The following LAPTM4B variants were observed in gnomAD, a reference collection of about 807,000 sequenced individuals.
LAPTM4B encodes lysosomal-associated transmembrane protein 4B.
A neutral mutation model predicts 28.5 loss-of-function variants in LAPTM4B; 26 were observed. That is an observed-to-expected ratio of 0.91 (90% CI 0.67 to 1.27). The LOEUF is 1.27. LAPTM4B is among the 50% of genes most tolerant of loss of function. The pLI, the probability that LAPTM4B is intolerant of heterozygous loss-of-function variation, is 0.00. For synonymous variants in LAPTM4B, 109 were observed against 106.4 expected (o/e 1.02, Z -0.15); for missense variants, 288 against 285.8 (o/e 1.01, Z -0.06).
In LAPTM4B at chr8:97,849,923, G is replaced by T. The variant is rs555605880; in HGVS notation, c.604-1474G>T. 5.3e-5 allele frequency among the ~76,000 whole-genome samples: 8 copies of T among 149,652 alleles called. No individual in the cohort carries two copies. The East Asian group carries it at 1.5e-3, about 29-fold the overall frequency. On this transcript the variant is annotated intron_variant, in intron 6 of 6. Transcript: ENST00000521545. ...GAGACAGCGGTGGCAGCGCCTCTCA[G>T]GCGGTTTCCAGAGCGGGCCGTGGCT...
At chr8:97,817,759 A>ATTT (rs71271159) in intron 4 of LAPTM4B, among the ~76,000 whole-genome samples, 5 of 148,672 alleles carry the variant, frequency 3.4e-5, no homozygotes, top group South Asian at 2.1e-4. Context: ...TAATTTTTGT[A>ATTT]TTTTTTTTTT....
chr8:97,824,409 C>T (rs1450709163), intron 5 of LAPTM4B, among the ~76,000 whole-genome samples: 1 of 152,112 alleles, frequency 6.6e-6, no homozygotes, highest in Non-Finnish European at 1.5e-5. Context: ...TAGTTCTAAT[C>T]CAATTACACA....
chr8:97,797,175 C>T (rs939204192), intron 1 of LAPTM4B, among the ~76,000 whole-genome samples: 6 of 148,788 alleles, frequency 4.0e-5, no homozygotes, highest in Admixed American at 6.7e-5. Context: ...GTTCTTATTG[C>T]GCAGGCTGGA....
intron 6 of LAPTM4B, among the ~76,000 whole-genome samples, chr8:97,849,479 A>G (rs1057240253): frequency 6.6e-6 from 1 of 151,816 alleles, no homozygotes; most frequent in African/African-American, 2.4e-5. Flanking sequence ...TATCTTGCCT[A>G]CTCCATTCCT....
chr8:97,793,601 G>T (rs1374852236), intron 1 of LAPTM4B, among the ~76,000 whole-genome samples: 1 of 152,168 alleles, frequency 6.6e-6, no homozygotes. Context: ...TGTAGGATTT[G>T]ACACTTCAGC....
intron 1 of LAPTM4B, among the ~76,000 whole-genome samples, chr8:97,784,601 C>T (rs1563600331): frequency 6.6e-6 from 1 of 151,954 alleles, no homozygotes; most frequent in African/African-American, 2.4e-5. Context: ...CACCACACCC[C>T]GCTGATTTTT....
chr8:97,786,247 C>T (rs1816397930), intron 1 of LAPTM4B, among the ~76,000 whole-genome samples: 1 of 152,078 alleles, frequency 6.6e-6, no homozygotes, highest in South Asian at 2.1e-4. Flanking sequence ...AAACAAAGAC[C>T]ACACTTCTTC....
chr8:97,827,285 A>C (rs1817104383), intron 6 of LAPTM4B, among the ~76,000 whole-genome samples: 1 of 152,162 alleles, frequency 6.6e-6, no homozygotes, highest in African/African-American at 2.4e-5. Context: ...TGTGGGTCTT[A>C]AGACCTTCCC....
Position 97,851,564 on chromosome 8 carries a change from T to C in LAPTM4B, c.*90T>C. 1 of 965,878 alleles carries C rather than the reference T, an allele frequency of 1.0e-6. No homozygotes were observed. The highest frequency in any genetic ancestry group is 1.6e-6 in the Non-Finnish European group (1 of 609,604). 59.8% of individuals were successfully genotyped at this position (965,878 alleles called of 1,614,324 possible). On this transcript the variant is annotated 3_prime_UTR_variant, in exon 7 of 7. Transcript: ENST00000521545. Reference sequence around the variant, plus strand: ...TTATTTCACTTTTGCCATGAGCCTCTCTGAGCTTGTTTGTTGCTGAAATGC... The same window carrying C: ...TTATTTCACTTTTGCCATGAGCCTCCCTGAGCTTGTTTGTTGCTGAAATGC...
intron 6 of LAPTM4B, among the ~76,000 whole-genome samples, chr8:97,851,028 G>A (rs1164476598): frequency 1.3e-5 from 2 of 149,158 alleles, no homozygotes; most frequent in Non-Finnish European, 2.9e-5. Flanking sequence ...GCACTTTGCA[G>A]TTCTCACCAT....
At chr8:97,840,154 A>C (rs1817324231) in intron 6 of LAPTM4B, among the ~76,000 whole-genome samples, 1 of 152,242 alleles carries the variant, frequency 6.6e-6, no homozygotes, top group Admixed American at 6.5e-5. Context: ...AGGTGATAGC[A>C]CACTGCTTAT....
intron 1 of LAPTM4B, among the ~76,000 whole-genome samples, chr8:97,786,880 T>C (rs1816411904): frequency 6.6e-6 from 1 of 152,030 alleles, no homozygotes; most frequent in Admixed American, 6.6e-5. Flanking sequence ...ATGCTATAGA[T>C]AAAGTTGCTA....
At chr8:97,841,245 G>C (rs1346788146) in intron 6 of LAPTM4B, among the ~76,000 whole-genome samples, 2 of 126,736 alleles carry the variant, frequency 1.6e-5, no homozygotes, top group African/African-American at 6.3e-5. Context: ...TAGAATAAAA[G>C]GTACAGAGTT....
chr8:97,836,769 T>C (rs1817265317), intron 6 of LAPTM4B, among the ~76,000 whole-genome samples: 2 of 152,090 alleles, frequency 1.3e-5, no homozygotes, highest in African/African-American at 2.4e-5. Context: ...TATTATGCCA[T>C]GTCATATTGT....
In LAPTM4B at chr8:97,833,813, A is replaced by G. The variant is rs140112174; in HGVS notation, c.603+8660A>G. On this transcript the variant is annotated intron_variant, in intron 6 of 6. Coordinates refer to ENST00000521545, the MANE Select transcript of LAPTM4B (RefSeq NM_018407.6). The stretch of plus-strand genomic sequence containing the variant: ...TACTTAATACCTAGATTTATTGATC[A>G]TTAGGGTTGCAATATGATCTATAAT... 7.9e-5 allele frequency among the ~76,000 whole-genome samples: 12 copies of G among 152,334 alleles called. No individual in the cohort carries two copies. In the East Asian group the frequency reaches 2.1e-3, roughly 27 times the overall value.
chr8:97,788,203 T>C, intron 1 of LAPTM4B: 1 of 259,262 alleles, frequency 3.9e-6, no homozygotes, highest in Non-Finnish European at 7.7e-6. Flanking sequence ...TTGTGTGTAA[T>C]TCCTTATAGA....
At chr8:97,811,716 A>G (rs1436507040) in intron 2 of LAPTM4B, among the ~76,000 whole-genome samples, 2 of 152,200 alleles carry the variant, frequency 1.3e-5, no homozygotes, top group Non-Finnish European at 2.9e-5. Context: ...CGGCTTGTGC[A>G]TAAAGATCCT....
intron 2 of LAPTM4B, among the ~76,000 whole-genome samples, chr8:97,807,871 TA>T (rs1816777421): frequency 7.6e-6 from 1 of 132,040 alleles, no homozygotes; most frequent in East Asian, 2.2e-4. Context: ...GCATTAAAGT[TA>T]CTGCAGAGAT....
intron 1 of LAPTM4B, among the ~76,000 whole-genome samples, chr8:97,787,452 A>G (rs954209799): frequency 6.6e-6 from 1 of 151,902 alleles, no homozygotes; most frequent in Non-Finnish European, 1.5e-5. Flanking sequence ...GGCCCAGCTA[A>G]TTTTTGTATT....
Sources: gnomAD v4.1 joint callset for allele counts (sites outside exome capture counted in the v4.1 genomes callset) on GRCh38, gnomAD v4.1.1 for gene constraint, MANE v1.5 for transcripts, NCBI Gene and HGNC (gene_info 2026-07-23, HGNC 2026-07-21) for gene names.